CYRIB: variants seen among roughly 807,000 people sequenced by gnomAD.
The protein encoded by CYRIB is CYFIP-related Rac1 interactor B.
A neutral mutation model predicts 44.2 loss-of-function variants in CYRIB; 8 were observed. The ratio of observed to expected loss-of-function variants is 0.18; its 90% CI spans 0.11 to 0.33. The LOEUF (loss-of-function observed/expected upper bound fraction) is 0.33, where lower values mean the gene tolerates loss of function less well. Ranked by LOEUF, CYRIB falls within the 10% of genes least tolerant of loss-of-function variation. The pLI is 1.00. For synonymous variants in CYRIB, 131 were observed against 127.2 expected (o/e 1.03, Z -0.20); for missense variants, 185 against 382.8 (o/e 0.48, Z 4.31).
chr8:129,856,627 CTTTA>C lies in CYRIB; in HGVS notation c.302-884_302-881del, dbSNP rs200694529. ...ACAAATATTAATGATAAATTTAAAA[CTTTA>C]TGTCAGGTCATCAGCCCGTAACTTT... On this transcript the variant is annotated intron_variant, in intron 5 of 11. Coordinates refer to ENST00000519824, the Ensembl canonical transcript of CYRIB. Among the ~76,000 whole-genome samples the C allele has an allele frequency of 6.6e-3, 1,001 of 152,152 alleles. 10 individuals are homozygous for C. The highest frequency in any genetic ancestry group is 0.022 in the African/African-American group (924 of 41,490).
At chr8:129,867,377 G>A (rs1346136810) in intron 4 of CYRIB, among the ~76,000 whole-genome samples, 1 of 107,010 alleles carries the variant, frequency 9.3e-6, no homozygotes, top group African/African-American at 3.8e-5. Flanking sequence ...CACCTGTCTT[G>A]GCCTCCCAAA....
intron 2 of CYRIB, among the ~76,000 whole-genome samples, chr8:129,959,159 T>C (rs1403940155): frequency 6.6e-6 from 1 of 151,842 alleles, no homozygotes; most frequent in Admixed American, 6.6e-5. Context: ...CTGCTTATTG[T>C]AGAAAAGTCA....
At chr8:130,006,592 A>T (rs375352604) in intron 1 of CYRIB, among the ~76,000 whole-genome samples, 1 of 10,240 alleles carries the variant, frequency 9.8e-5, no homozygotes, top group African/African-American at 3.2e-4. Flanking sequence ...TAAAAACACA[A>T]ATTATATATA....
At chr8:130,015,040 G>A (rs1592617157) in intron 1 of CYRIB, among the ~76,000 whole-genome samples, 1 of 152,328 alleles carries the variant, frequency 6.6e-6, no homozygotes, top group East Asian at 1.9e-4. Flanking sequence ...AAGAATGGGA[G>A]AGTCTCAAAG....
At chr8:130,013,826 T>C (rs572656785) in intron 1 of CYRIB, among the ~76,000 whole-genome samples, 1 of 152,322 alleles carries the variant, frequency 6.6e-6, no homozygotes, top group South Asian at 2.1e-4. Flanking sequence ...TGCGCTGACC[T>C]TGAGATGGAA....
chr8:129,980,230 A>C (rs1207179062), intron 1 of CYRIB, among the ~76,000 whole-genome samples: 1 of 51,944 alleles, frequency 1.9e-5, no homozygotes, highest in African/African-American at 4.0e-4. Context: ...TCCATCTCAA[A>C]AAAAAAAAAA....
chr8:129,962,057 C>T (rs891150957), intron 2 of CYRIB, among the ~76,000 whole-genome samples: 14 of 151,974 alleles, frequency 9.2e-5, no homozygotes, highest in Admixed American at 3.9e-4. Flanking sequence ...CAAGACCAGC[C>T]TGAGCAACAT....
intron 10 of CYRIB, among the ~76,000 whole-genome samples, chr8:129,847,635 C>G (rs565662162): frequency 6.6e-6 from 1 of 152,114 alleles, no homozygotes; most frequent in Non-Finnish European, 1.5e-5. Flanking sequence ...ATGAGTTATA[C>G]GAAGTGTTAT....
intron 2 of CYRIB, among the ~76,000 whole-genome samples, chr8:129,951,864 A>G (rs1295286585): frequency 6.6e-6 from 1 of 152,180 alleles, no homozygotes; most frequent in East Asian, 1.9e-4. Flanking sequence ...ACTAGACCTA[A>G]GCCCATGACA....
In CYRIB at chr8:129,994,041, C is replaced by T. The variant is rs1458871744; in HGVS notation, c.-296+22329G>A. Among the ~76,000 whole-genome samples the T allele has an allele frequency of 3.3e-5, 5 of 152,128 alleles. 1 individual carries two copies. The highest frequency in any genetic ancestry group is 5.9e-5 in the Non-Finnish European group (4 of 68,032). Reference sequence around the variant, plus strand: ...TGAATTGTGTCCCCCAAAATTCATACACTGAAGTCTTGACCCCTAATGTCA... The same window carrying T: ...TGAATTGTGTCCCCCAAAATTCATATACTGAAGTCTTGACCCCTAATGTCA... On this transcript the variant is annotated intron_variant, in intron 1 of 14. Transcript: ENST00000401979.
intron 3 of CYRIB, among the ~76,000 whole-genome samples, chr8:129,874,545 T>G (rs986187521): frequency 2.0e-5 from 3 of 152,084 alleles, no homozygotes; most frequent in Non-Finnish European, 2.9e-5. Context: ...TCTCTGTAAG[T>G]TACATCAAGA....
At chr8:129,978,874 G>A (rs905315356) in intron 1 of CYRIB, among the ~76,000 whole-genome samples, 4 of 152,148 alleles carry the variant, frequency 2.6e-5, no homozygotes, top group African/African-American at 7.2e-5. Flanking sequence ...GGTGGCTCAC[G>A]TCTGTAATCC....
chr8:130,007,327 G>C (rs143460157), intron 1 of CYRIB, among the ~76,000 whole-genome samples: 111 of 152,336 alleles, frequency 7.3e-4, no homozygotes, highest in Non-Finnish European at 1.4e-3. Context: ...ACCCAAAGGA[G>C]GTAGTAAAAA....
At chr8:130,009,394 A>T (rs572434142) in intron 1 of CYRIB, among the ~76,000 whole-genome samples, 2,374 of 151,854 alleles carry the variant, frequency 0.016, 72 homozygotes, top group African/African-American at 0.054. Context: ...CAGCCTCCCG[A>T]GTAGCTGGGA....
chr8:129,857,092 G>A (rs1252952030), intron 5 of CYRIB, among the ~76,000 whole-genome samples: 1 of 152,112 alleles, frequency 6.6e-6, no homozygotes, highest in African/African-American at 2.4e-5. Flanking sequence ...AACTCTAAAT[G>A]ACAGCTATTA....
At chr8:129,889,973 C>G (rs2064471451) in intron 2 of CYRIB, among the ~76,000 whole-genome samples, 1 of 152,006 alleles carries the variant, frequency 6.6e-6, no homozygotes, top group South Asian at 2.1e-4. Context: ...AGGGTTTCAC[C>G]ATAATGCCCA....
intron 2 of CYRIB, among the ~76,000 whole-genome samples, chr8:129,945,024 G>A (rs1469097601): frequency 6.6e-6 from 1 of 152,170 alleles, no homozygotes. Flanking sequence ...TATTTTGCAA[G>A]GGATGAGTTG....
At chr8:129,929,604 T>C (rs986779254) in intron 1 of CYRIB, among the ~76,000 whole-genome samples, 12 of 152,194 alleles carry the variant, frequency 7.9e-5, no homozygotes, top group Non-Finnish European at 1.6e-4. Flanking sequence ...TAGGTTTTTC[T>C]AGATGCCAAA....
intron 1 of CYRIB, among the ~76,000 whole-genome samples, chr8:129,920,378 CA>C (rs2082953982): frequency 6.6e-6 from 1 of 152,100 alleles, no homozygotes; most frequent in African/African-American, 2.4e-5. Flanking sequence ...GTTCATTTCT[CA>C]AAAGAGCTCA....
Sources: gnomAD v4.1 joint callset for allele counts (sites outside exome capture counted in the v4.1 genomes callset) on GRCh38, gnomAD v4.1.1 for gene constraint, MANE v1.5 for transcripts, NCBI Gene and HGNC (gene_info 2026-07-23, HGNC 2026-07-21) for gene names.